Variants in MAGI2 observed in about 807,000 individuals in gnomAD.
The protein encoded by MAGI2 is membrane-associated guanylate kinase, WW and PDZ domain-containing protein 2.
MAGI2 carries 35 observed loss-of-function variants against 133.3 expected under a neutral mutation model. The ratio of observed to expected loss-of-function variants is 0.26; its 90% confidence interval spans 0.20 to 0.35. The LOEUF (loss-of-function observed/expected upper bound fraction) is 0.35. Ranked by LOEUF, MAGI2 falls within the 10% of genes least tolerant of loss-of-function variation. The pLI is 1.00. For synonymous variants in MAGI2, 729 were observed against 710.6 expected, an observed-to-expected ratio of 1.03 and a Z score of -0.41; for missense variants, 1,636 against 1,863.4, an observed-to-expected ratio of 0.88 and a Z score of 2.25.
At chr7:79,387,129 T>TGTGTGTGTGTGTGTGTGTG (rs1563176235) in intron 1 of MAGI2, among the ~76,000 whole-genome samples, 2 of 151,356 alleles carry the variant, frequency 1.3e-5, no homozygotes, top group African/African-American at 2.4e-5. Context: ...TGTGTGTGTG[T>TGTGTGTGTGTGTGTGTGTG]TAACATTAAC....
intron 2 of MAGI2, among the ~76,000 whole-genome samples, chr7:78,741,876 A>T (rs1267949606): frequency 6.6e-6 from 1 of 152,078 alleles, no homozygotes; most frequent in Non-Finnish European, 1.5e-5. Flanking sequence ...TCATCCATAG[A>T]TAATCTGTTA....
At chr7:78,084,459 TA>T (rs1201766627) in intron 20 of MAGI2, among the ~76,000 whole-genome samples, 6 of 148,732 alleles carry the variant, frequency 4.0e-5, no homozygotes, top group African/African-American at 1.5e-4. Flanking sequence ...TCAGCGATAG[TA>T]AACGTCTTCA....
intron 2 of MAGI2, among the ~76,000 whole-genome samples, chr7:78,909,269 A>G (rs577619246): frequency 3.9e-5 from 6 of 152,108 alleles, no homozygotes; most frequent in African/African-American, 1.2e-4. Flanking sequence ...ACAATGAGGT[A>G]CCATCTCATG....
chr7:78,364,085 G>A (rs1793129455), intron 7 of MAGI2, among the ~76,000 whole-genome samples: 1 of 151,700 alleles, frequency 6.6e-6, no homozygotes, highest in South Asian at 2.1e-4. Context: ...CACAGCTGGC[G>A]AGCTACAGGG....
intron 2 of MAGI2, among the ~76,000 whole-genome samples, chr7:78,682,282 G>T (rs918620621): frequency 6.6e-6 from 1 of 152,070 alleles, no homozygotes; most frequent in Non-Finnish European, 1.5e-5. Context: ...GTGCAGATTT[G>T]TTACATAGGT....
At chr7:78,855,113 G>A (rs1209852049) in intron 2 of MAGI2, among the ~76,000 whole-genome samples, 1 of 151,394 alleles carries the variant, frequency 6.6e-6, no homozygotes, top group Non-Finnish European at 1.5e-5. Context: ...AAATATTTTT[G>A]TAACAAGGTC....
chr7:79,222,995 C>G (rs926453844), intron 1 of MAGI2, among the ~76,000 whole-genome samples: 3 of 152,052 alleles, frequency 2.0e-5, no homozygotes, highest in African/African-American at 4.8e-5. Context: ...CGCCATTCTC[C>G]TGCCTCTGCC....
intron 3 of MAGI2, chr7:78,616,422 C>T (rs908817550): frequency 1.3e-5 from 2 of 151,248 alleles, no homozygotes; most frequent in Non-Finnish European, 3.0e-5. Context: ...TAGTAAAATA[C>T]ATAGAACTTT....
chr7:78,973,372 A>C (rs369958294), intron 2 of MAGI2, among the ~76,000 whole-genome samples: 1 of 151,674 alleles, frequency 6.6e-6, no homozygotes, highest in South Asian at 2.1e-4. Flanking sequence ...GCTTAAACCA[A>C]ATGACAAATA....
chr7:78,085,942 C>G (rs567542828), intron 20 of MAGI2, among the ~76,000 whole-genome samples: 1 of 151,988 alleles, frequency 6.6e-6, no homozygotes, highest in African/African-American at 2.4e-5. Flanking sequence ...ACATTCATAA[C>G]GGGGAGCTGG....
At chr7:79,308,868 G>A (rs965016722) in intron 1 of MAGI2, among the ~76,000 whole-genome samples, 1 of 152,068 alleles carries the variant, frequency 6.6e-6, no homozygotes, top group African/African-American at 2.4e-5. Flanking sequence ...AAACAGCAAT[G>A]AGAATAAAAT....
chr7:79,308,464 C>T (rs2129560368), intron 1 of MAGI2, among the ~76,000 whole-genome samples: 1 of 152,292 alleles, frequency 6.6e-6, no homozygotes, highest in East Asian at 1.9e-4. Context: ...TTCTTCCCTT[C>T]CTCCACATCA....
At chr7:79,078,649 C>T (rs1052855684) in intron 1 of MAGI2, among the ~76,000 whole-genome samples, 1 of 152,176 alleles carries the variant, frequency 6.6e-6, no homozygotes, top group African/African-American at 2.4e-5. Context: ...ATAAAAGAGG[C>T]TATCTAGCTA....
At chr7:78,601,381 T>C (rs1336389412) in intron 3 of MAGI2, among the ~76,000 whole-genome samples, 1 of 152,218 alleles carries the variant, frequency 6.6e-6, no homozygotes. Context: ...TTTGAAAATG[T>C]GACTTATTTG....
intron 1 of MAGI2, among the ~76,000 whole-genome samples, chr7:79,345,823 T>A (rs1034371016): frequency 2.0e-5 from 3 of 152,068 alleles, no homozygotes; most frequent in African/African-American, 7.2e-5. Context: ...ATGCCTGAGT[T>A]CAAGATTTTC....
chr7:79,399,866 C>T (rs190568925), intron 1 of MAGI2, among the ~76,000 whole-genome samples: 59 of 152,310 alleles, frequency 3.9e-4, no homozygotes, highest in Middle Eastern at 3.4e-3. Flanking sequence ...TATCATACAT[C>T]TGGCTGAAGA....
intron 15 of MAGI2, among the ~76,000 whole-genome samples, chr7:78,167,529 G>C (rs1477098918): frequency 1.3e-5 from 2 of 152,052 alleles, no homozygotes; most frequent in Non-Finnish European, 2.9e-5. Flanking sequence ...TTCCATCCTG[G>C]TTGCCTCATT....
chr7:78,167,443 A>T (rs539579210), intron 15 of MAGI2, among the ~76,000 whole-genome samples: 1 of 152,148 alleles, frequency 6.6e-6, no homozygotes, highest in South Asian at 2.1e-4. Context: ...GGAGCGAGGT[A>T]CAGCTGTATT....
At chr7:78,955,227 T>C (rs72612607) in intron 2 of MAGI2, among the ~76,000 whole-genome samples, 7,568 of 152,108 alleles carry the variant, frequency 0.05, 443 homozygotes, top group East Asian at 0.16. Flanking sequence ...AATTTTATTT[T>C]GTAGTTAAAA....
Sources: allele counts gnomAD v4.1 joint callset (sites outside exome capture counted in the v4.1 genomes callset), GRCh38; gene constraint gnomAD v4.1.1; transcripts MANE v1.5; gene names NCBI Gene and HGNC (gene_info 2026-07-23, HGNC 2026-07-21).